RAPGEF6: variants seen among roughly 807,000 people sequenced by gnomAD.
RAPGEF6 encodes PDZ domain containing guanine nucleotide exchange factor (GEF) 2.
In RAPGEF6, 56 loss-of-function variants were observed where a neutral mutation model predicts 171.4. The observed-to-expected ratio is 0.33, with a 90% CI of 0.26 to 0.41. The LOEUF is 0.41. Ranked by LOEUF, RAPGEF6 falls within the 10% of genes least tolerant of loss-of-function variation. The pLI is 1.00. For synonymous variants in RAPGEF6, 692 were observed against 650.1 expected (o/e 1.06, Z -0.98); for missense variants, 1,674 against 1,921.4 (o/e 0.87, Z 2.41).
intron 24 of RAPGEF6, among the ~76,000 whole-genome samples, chr5:131,438,625 A>G (rs944519493): frequency 2.4e-4 from 36 of 152,334 alleles, no homozygotes; most frequent in African/African-American, 7.9e-4. Context: ...GGGTCAATAT[A>G]AGAAATACAC....
Position 131,464,120 on chromosome 5 carries a change from T to C in RAPGEF6, c.2401A>G (p.Thr801Ala), listed in dbSNP as rs1337212483. 1 of 1,613,816 alleles carries C rather than the reference T, an allele frequency of 6.2e-7. No homozygotes were observed. The highest frequency in any genetic ancestry group is 1.3e-5 in the African/African-American group (1 of 74,998). The change falls in exon 18 of 28, where the codon ACT (threonine) becomes GCT (alanine). Residue 801 changes from threonine to alanine, a missense_variant. Thr to Ala is a moderately conservative substitution (Grantham distance 58, BLOSUM62 0). Coordinates refer to ENST00000509018, the MANE Select transcript of RAPGEF6 (RefSeq NM_016340.6). The part of the protein sequence containing the change: ...DTYSLCEVSV[T>A]PEGVIKQRRL... The stretch of plus-strand genomic sequence containing the variant: ...CTCTGTTTTATGACACCCTCAGGAG[T>C]AACAGAAACTTCACAGAGAGAATAT...
chr5:131,561,265 G>T (rs1385764157), intron 5 of RAPGEF6, among the ~76,000 whole-genome samples: 2 of 152,138 alleles, frequency 1.3e-5, no homozygotes, highest in Non-Finnish European at 2.9e-5. Context: ...GGATCTAATT[G>T]TATGTCTTTT....
chr5:131,470,399 C>G (rs1754661494), intron 17 of RAPGEF6, among the ~76,000 whole-genome samples: 1 of 152,156 alleles, frequency 6.6e-6, no homozygotes, highest in African/African-American at 2.4e-5. Flanking sequence ...GTTTCTAAAA[C>G]TTAATAATTT....
intron 4 of RAPGEF6, among the ~76,000 whole-genome samples, chr5:131,574,345 C>T (rs1365866649): frequency 6.6e-6 from 1 of 152,170 alleles, no homozygotes; most frequent in Non-Finnish European, 1.5e-5. Flanking sequence ...ACTGACACTG[C>T]CCGATCGCCT....
chr5:131,430,653 CTT>C, intron 26 of RAPGEF6: 3 of 742,486 alleles, frequency 4.0e-6, no homozygotes, highest in Non-Finnish European at 2.4e-6. Flanking sequence ...TCACATCAGA[CTT>C]TTCATTTTAA....
chr5:131,540,760 TTAAA>T (rs1366353735), intron 6 of RAPGEF6, among the ~76,000 whole-genome samples: 8 of 152,336 alleles, frequency 5.3e-5, no homozygotes, highest in Admixed American at 1.3e-4. Context: ...GAGAATAAAG[TTAAA>T]TAAAGGCACA....
chr5:131,489,165 T>G (rs2149870530), intron 15 of RAPGEF6, among the ~76,000 whole-genome samples: 1 of 152,294 alleles, frequency 6.6e-6, no homozygotes, highest in East Asian at 1.9e-4. Flanking sequence ...AAAGCTGGCT[T>G]AAAGATTAGA....
At chr5:131,448,740 T>A (rs549563667) in intron 21 of RAPGEF6, among the ~76,000 whole-genome samples, 31 of 152,324 alleles carry the variant, frequency 2.0e-4, no homozygotes, top group African/African-American at 6.7e-4. Flanking sequence ...TTTGTAAGCA[T>A]CATACAGTGT....
intron 16 of RAPGEF6, among the ~76,000 whole-genome samples, chr5:131,474,222 T>C (rs1416756192): frequency 6.6e-6 from 1 of 152,210 alleles, no homozygotes; most frequent in East Asian, 1.9e-4. Flanking sequence ...CCCAGCACTT[T>C]GGGTGGCAGA....
intron 3 of RAPGEF6, among the ~76,000 whole-genome samples, chr5:131,597,577 T>C (rs1387564282): frequency 2.0e-5 from 3 of 152,308 alleles, no homozygotes; most frequent in African/African-American, 4.8e-5. Flanking sequence ...GAGGATATTA[T>C]GTTAAGTGAA....
In RAPGEF6 at chr5:131,462,028, T is replaced by G. The variant is rs1368635078; in HGVS notation, c.2541A>C (p.Glu847Asp). ...TGGATAGCTGGCTTTCCTTAACTAG[T>G]TCTTGAGCATCTTCATCTGAACATA... ...ETLCSDEDAQELVKESQLSML... is the reference protein window; with the variant it reads ...ETLCSDEDAQDLVKESQLSML... Residue 847 changes from glutamate to aspartate, a missense_variant, in exon 19 of 28, where the codon GAA becomes GAC. Around this residue, in one of 3 missense-constraint regions of RAPGEF6, gnomAD observed 1,116 missense variants for 1,321.5 expected, o/e 0.84. Transcript: ENST00000509018. 5 of 1,612,862 alleles carry G rather than the reference T, an allele frequency of 3.1e-6. No homozygotes were observed. Among genetic ancestry groups the G allele is most frequent in the Non-Finnish European group, 4.2e-6 (5 of 1,179,480 alleles).
intron 14 of RAPGEF6, among the ~76,000 whole-genome samples, chr5:131,490,968 T>TA (rs1756239813): frequency 6.6e-6 from 1 of 152,210 alleles, no homozygotes; most frequent in African/African-American, 2.4e-5. Flanking sequence ...AATGTAGATC[T>TA]AAAATCTCAG....
chr5:131,454,884 T>G (rs1753370261), intron 20 of RAPGEF6, among the ~76,000 whole-genome samples: 1 of 152,210 alleles, frequency 6.6e-6, no homozygotes, highest in East Asian at 1.9e-4. Context: ...CAAATAAAAC[T>G]GTAAGCTAAC....
chr5:131,600,229 A>C (rs1442487606), intron 3 of RAPGEF6, among the ~76,000 whole-genome samples: 1 of 152,208 alleles, frequency 6.6e-6, no homozygotes, highest in Non-Finnish European at 1.5e-5. Flanking sequence ...AATTGTGTTA[A>C]CATGTAATGA....
chr5:131,453,660 T>G (rs1753268659), intron 20 of RAPGEF6, among the ~76,000 whole-genome samples: 1 of 152,116 alleles, frequency 6.6e-6, no homozygotes, highest in South Asian at 2.1e-4. Flanking sequence ...ATAGCATTGT[T>G]TTTTCACACT....
chr5:131,523,279 CTTTTTTTTT>C (rs1171953953), intron 6 of RAPGEF6, among the ~76,000 whole-genome samples: 4 of 66,656 alleles, frequency 6.0e-5, no homozygotes, highest in Admixed American at 1.6e-4. Flanking sequence ...CTGTTGTATG[CTTTTTTTTT>C]TTTTTTTTTT....
chr5:131,523,932 G>A (rs914883963), intron 6 of RAPGEF6, among the ~76,000 whole-genome samples: 2 of 152,134 alleles, frequency 1.3e-5, no homozygotes, highest in African/African-American at 4.8e-5. Context: ...AAACCAGAGT[G>A]ATTAGATTAC....
chr5:131,442,322 G>A (rs1315179858), intron 23 of RAPGEF6, 27 bp downstream of exon 23: 1 of 1,558,090 alleles, frequency 6.4e-7, no homozygotes, highest in Admixed American at 1.9e-5. Context: ...CAGGTAAACG[G>A]ATGTAATATT....
intron 4 of RAPGEF6, among the ~76,000 whole-genome samples, chr5:131,567,470 T>G (rs1762024391): frequency 6.6e-6 from 1 of 152,228 alleles, no homozygotes; most frequent in East Asian, 1.9e-4. Flanking sequence ...ACTTCCACTG[T>G]GTTCAAAATA....
Sources: gnomAD v4.1 joint callset for allele counts (sites outside exome capture counted in the v4.1 genomes callset) on GRCh38, gnomAD v4.1.1 for gene constraint, gnomAD v4.1.1 regional missense constraint, MANE v1.5 for transcripts, NCBI Gene and HGNC (gene_info 2026-07-23, HGNC 2026-07-21) for gene names.